KHDRBS2: variants seen among roughly 807,000 people sequenced by gnomAD.
KHDRBS2 encodes KH RNA binding domain containing, signal transduction associated 2, also known as KH domain-containing, RNA-binding, signal transduction-associated protein 2.
KHDRBS2 carries 26 observed loss-of-function variants against 44.3 expected under a neutral mutation model. The observed-to-expected ratio is 0.59, with a 90% CI of 0.43 to 0.81. The LOEUF (loss-of-function observed/expected upper bound fraction) is 0.81, where lower values mean the gene tolerates loss of function less well. KHDRBS2 is among the 40% of genes least tolerant of loss of function. The pLI is 0.00. For synonymous variants in KHDRBS2, 194 were observed against 151.1 expected (o/e 1.28, Z -2.08); for missense variants, 476 against 433.1 (o/e 1.10, Z -0.88).
intron 6 of KHDRBS2, among the ~76,000 whole-genome samples, chr6:61,762,500 A>C (rs185939649): frequency 2.0e-5 from 3 of 152,106 alleles, no homozygotes; most frequent in Admixed American, 6.6e-5. Flanking sequence ...TTCTTGCTCT[A>C]TAAGTTCCCA....
chr6:62,069,439 A>C (rs1794482795), intron 2 of KHDRBS2, among the ~76,000 whole-genome samples: 1 of 151,766 alleles, frequency 6.6e-6, no homozygotes. Context: ...TCTACAGTAC[A>C]TATCAAGTTA....
intron 2 of KHDRBS2, among the ~76,000 whole-genome samples, chr6:62,115,694 T>C (rs1185694500): frequency 6.6e-6 from 1 of 152,194 alleles, no homozygotes; most frequent in East Asian, 1.9e-4. Context: ...GATCAAATTT[T>C]GTGAGGCTAA....
At chr6:61,607,520 C>CAAGAAAA in the KHDRBS2 span, among the ~76,000 whole-genome samples, 1 of 41,098 alleles carries the variant, frequency 2.4e-5, no homozygotes, top group Non-Finnish European at 4.1e-5. Context: ...GAGTTCCAAG[C>CAAGAAAA]AAAAAAAAAA....
intron 1 of KHDRBS2, among the ~76,000 whole-genome samples, chr6:62,182,469 T>TA: frequency 6.6e-6 from 1 of 152,098 alleles, no homozygotes; most frequent in East Asian, 1.9e-4. Flanking sequence ...TTAAGTGTTT[T>TA]ACCACAAAAA....
At chr6:62,084,019 G>A (rs1584591733) in intron 2 of KHDRBS2, among the ~76,000 whole-genome samples, 1 of 152,244 alleles carries the variant, frequency 6.6e-6, no homozygotes, top group East Asian at 1.9e-4. Context: ...TCATACGTTA[G>A]AGAATGATAT....
chr6:61,984,487 C>CCATAATCTTACTGAATTATGAACATA lies in KHDRBS2; in HGVS notation c.337-6276_337-6275insTATGTTCATAATTCAGTAAGATTATG, dbSNP rs1278703494. On this transcript the variant is annotated intron_variant, in intron 3 of 8. Coordinates refer to ENST00000281156, the MANE Select transcript of KHDRBS2 (RefSeq NM_152688.4). ...CAGAAAAAAAATACGTTCTGAACAT[C>CCATAATCTTACTGAATTATGAACATA]CATAATCTTACTGAAACAGAGATTT... is the stretch of plus-strand genomic sequence containing the variant. 5.7e-4 allele frequency among the ~76,000 whole-genome samples: 87 copies of CCATAATCTTACTGAATTATGAACATA among 152,256 alleles called. 2 individuals are homozygous for CCATAATCTTACTGAATTATGAACATA. In the South Asian group the frequency reaches 0.018, roughly 31 times the overall value.
At chr6:61,647,417 T>C in the KHDRBS2 span, among the ~76,000 whole-genome samples, 1 of 151,514 alleles carries the variant, frequency 6.6e-6, no homozygotes, top group African/African-American at 2.4e-5. Flanking sequence ...AGCTAATGTG[T>C]AATTATCTAT....
At chr6:61,943,326 AACAG>A (rs976611481) in intron 4 of KHDRBS2, among the ~76,000 whole-genome samples, 4 of 152,100 alleles carry the variant, frequency 2.6e-5, no homozygotes, top group Non-Finnish European at 5.9e-5. Context: ...CGGTAAAGCA[AACAG>A]ACAAATACCA....
At chr6:61,852,631 C>G (rs1015114355) in intron 6 of KHDRBS2, among the ~76,000 whole-genome samples, 12 of 151,778 alleles carry the variant, frequency 7.9e-5, no homozygotes, top group African/African-American at 2.9e-4. Context: ...TTAAAGGAGG[C>G]CAAATCCATT....
chr6:62,011,418 C>T (rs1780264178), intron 3 of KHDRBS2, among the ~76,000 whole-genome samples: 1 of 152,002 alleles, frequency 6.6e-6, no homozygotes. Context: ...ATTCACATTA[C>T]AATGAATGAA....
intron 2 of KHDRBS2, among the ~76,000 whole-genome samples, chr6:62,064,956 CA>C (rs1235598876): frequency 6.6e-6 from 1 of 151,714 alleles, no homozygotes. Flanking sequence ...ACAACCCCAT[CA>C]AAAAGTGGGT....
chr6:62,083,175 AGGGC>A (rs1797737433), intron 2 of KHDRBS2, among the ~76,000 whole-genome samples: 1 of 114,352 alleles, frequency 8.7e-6, no homozygotes, highest in Non-Finnish European at 2.0e-5. Context: ...TCACTGGGAG[AGGGC>A]AGAGCATCAC....
At chr6:62,250,843 T>C (rs1425811802) in intron 1 of KHDRBS2, among the ~76,000 whole-genome samples, 1 of 151,976 alleles carries the variant, frequency 6.6e-6, no homozygotes, top group Non-Finnish European at 1.5e-5. Flanking sequence ...AATGTATTCT[T>C]CAAAAATATC....
intron 2 of KHDRBS2, among the ~76,000 whole-genome samples, chr6:62,078,878 T>A (rs1796851036): frequency 6.6e-6 from 1 of 152,024 alleles, no homozygotes; most frequent in Non-Finnish European, 1.5e-5. Context: ...AGGGAACATT[T>A]TTTGTGTGTC....
At chr6:62,109,174 T>C (rs1343453611) in intron 2 of KHDRBS2, among the ~76,000 whole-genome samples, 2 of 151,436 alleles carry the variant, frequency 1.3e-5, no homozygotes, top group Non-Finnish European at 2.9e-5. Flanking sequence ...TGCAAAGTTG[T>C]TTACAATTTG....
intron 4 of KHDRBS2, among the ~76,000 whole-genome samples, chr6:61,941,234 C>T (rs968366674): frequency 1.3e-5 from 2 of 152,178 alleles, no homozygotes; most frequent in African/African-American, 4.8e-5. Flanking sequence ...CTGGCACCTA[C>T]CTTCATGTGC....
At chr6:61,559,354 T>G in the KHDRBS2 span, among the ~76,000 whole-genome samples, 1 of 60,998 alleles carries the variant, frequency 1.6e-5, no homozygotes, top group South Asian at 4.8e-4. Flanking sequence ...TGGGTTTGGG[T>G]TTTTTTTTTT....
chr6:61,632,872 T>C, the KHDRBS2 span, among the ~76,000 whole-genome samples: 1 of 152,122 alleles, frequency 6.6e-6, no homozygotes, highest in Non-Finnish European at 1.5e-5. Flanking sequence ...CAAATATAAA[T>C]GAAAATTAAT....
At chr6:61,890,914 T>C (rs1322096322) in intron 6 of KHDRBS2, among the ~76,000 whole-genome samples, 1 of 152,172 alleles carries the variant, frequency 6.6e-6, no homozygotes. Flanking sequence ...GATGAACACA[T>C]TTCACCTGTT....
Sources: allele counts gnomAD v4.1 joint callset (sites outside exome capture counted in the v4.1 genomes callset), GRCh38; gene constraint gnomAD v4.1.1; transcripts MANE v1.5; gene names NCBI Gene and HGNC (gene_info 2026-07-23, HGNC 2026-07-21).